GABRA1: variants seen among roughly 807,000 people sequenced by gnomAD.
GABRA1 encodes gamma-aminobutyric acid type A receptor subunit alpha1.
In GABRA1, 9 loss-of-function variants were observed where a neutral mutation model predicts 48.9. The ratio of observed to expected loss-of-function variants is 0.18; its 90% confidence interval spans 0.11 to 0.32. The LOEUF is 0.32. Among genes scored for constraint, GABRA1 ranks in the 10% least tolerant of loss-of-function variants. The pLI is 1.00. For synonymous variants in GABRA1, 210 were observed against 198.7 expected (o/e 1.06, Z -0.48); for missense variants, 285 against 553.8 (o/e 0.51, Z 4.87).
intron 1 of GABRA1, chr5:161,850,501 C>A (rs1337016248): frequency 2.1e-5 from 11 of 511,636 alleles, no homozygotes; most frequent in Non-Finnish European, 3.1e-5. Context: ...AATATAAAAC[C>A]TAGAGATAAA....
intron 7 of GABRA1, among the ~76,000 whole-genome samples, chr5:161,883,072 A>T (rs1754685783): frequency 6.6e-6 from 1 of 152,174 alleles, no homozygotes; most frequent in Non-Finnish European, 1.5e-5. Flanking sequence ...TTAAATTCTT[A>T]AAGAGTACTT....
chr5:161,848,448 CACAG>C (rs1267847674), intron 1 of GABRA1, 26 bp downstream of exon 1: 1 of 145,510 alleles, frequency 6.9e-6, no homozygotes, highest in Non-Finnish European at 1.4e-5. Flanking sequence ...GACCACGATA[CACAG>C]ACAGAGCTTT....
At chr5:161,862,023 T>C (rs1336699889) in intron 3 of GABRA1, among the ~76,000 whole-genome samples, 2 of 151,900 alleles carry the variant, frequency 1.3e-5, no homozygotes, top group African/African-American at 2.4e-5. Context: ...GCCAATACCA[T>C]ATTAAACAAA....
At chr5:161,873,775 A>G (rs1754226770) in intron 5 of GABRA1, among the ~76,000 whole-genome samples, 1 of 152,196 alleles carries the variant, frequency 6.6e-6, no homozygotes, top group South Asian at 2.1e-4. Flanking sequence ...TAGGTATTTT[A>G]AGAAGTATTT....
intron 3 of GABRA1, among the ~76,000 whole-genome samples, chr5:161,861,755 A>G (rs189331092): frequency 2.1e-3 from 323 of 152,004 alleles, no homozygotes; most frequent in Admixed American, 3.9e-3. Flanking sequence ...TGCTTTATCC[A>G]GGAGTATACA....
intron 6 of GABRA1, among the ~76,000 whole-genome samples, chr5:161,880,530 C>G (rs1258503598): frequency 6.6e-6 from 1 of 152,114 alleles, no homozygotes; most frequent in African/African-American, 2.4e-5. Context: ...AAAGGAAAAA[C>G]AAAGATAAAT....
At position 161,891,778 on chromosome 5, in the gene GABRA1, T is replaced by C. The variant is rs1581216117; in HGVS notation, c.856+728T>C. On this transcript the variant is annotated intron_variant, in intron 8 of 9. Transcript: ENST00000393943. ...GGCTGATAAAAATGAAAGATTCCAA[T>C]ACAATATCTTCTAGACACAGAAAGC... 2.6e-5 allele frequency among the ~76,000 whole-genome samples: 4 copies of C among 152,310 alleles called. No homozygotes were observed. In the South Asian group the frequency reaches 8.3e-4, roughly 32 times the overall value.
intron 4 of GABRA1, among the ~76,000 whole-genome samples, chr5:161,866,034 T>G (rs1219524852): frequency 1.3e-5 from 2 of 152,064 alleles, no homozygotes. Context: ...TAAAAAATAT[T>G]TTAAATGATT....
rs193081738 is a variant in GABRA1, at chr5:161,887,445, A to G, written c.704-3453A>G. 9.0e-3 allele frequency among the ~76,000 whole-genome samples: 1,319 copies of G among 147,004 alleles called. 7 individuals carry two copies. Among genetic ancestry groups the G allele is most frequent in the Non-Finnish European group, 0.014 (951 of 67,000 alleles). On this transcript the variant is annotated intron_variant, in intron 7 of 9. Coordinates refer to ENST00000393943, the MANE Select transcript of GABRA1 (RefSeq NM_001127644.2). ...ATAACTATAGAATGTAAGTCCTGGG[A>G]AAAAAAAAAGACTTCTGTGGTCATT...
chr5:161,867,242 T>C (rs1753908107), intron 4 of GABRA1, among the ~76,000 whole-genome samples: 2 of 152,174 alleles, frequency 1.3e-5, no homozygotes, highest in Non-Finnish European at 2.9e-5. Context: ...GAACTCAGTC[T>C]TCCCACACTA....
chr5:161,861,524 T>C (rs1360716422), intron 3 of GABRA1, among the ~76,000 whole-genome samples: 1 of 151,776 alleles, frequency 6.6e-6, no homozygotes, highest in Non-Finnish European at 1.5e-5. Context: ...GTTCTTGGAA[T>C]CCCAAAACAC....
At chr5:161,872,950 T>G (rs1004134601) in intron 4 of GABRA1, 167 bp from the exon 5 acceptor site, 4 of 640,242 alleles carry the variant, frequency 6.2e-6, no homozygotes, top group Non-Finnish European at 1.1e-5. Context: ...CAACCAGTGA[T>G]TCTCCTGACA....
chr5:161,874,971 A>G (rs528034936), intron 5 of GABRA1, among the ~76,000 whole-genome samples: 13 of 152,268 alleles, frequency 8.5e-5, no homozygotes, highest in Admixed American at 6.6e-4. Context: ...CCTAGCTTCA[A>G]TTAGATGGTG....
rs914253819 is a variant in GABRA1 at position 161,878,550 on chromosome 5, C to A, written c.559+2908C>A. On this transcript the variant is annotated intron_variant, in intron 6 of 9. Coordinates refer to ENST00000393943, the MANE Select transcript of GABRA1 (RefSeq NM_001127644.2). The stretch of plus-strand genomic sequence containing the variant: ...ATAAATGTTTATGAATATTCTGAAG[C>A]AACCTTATCCATATGGTGATAAAAT... 1.2e-4 allele frequency among the ~76,000 whole-genome samples: 18 copies of A among 152,172 alleles called. 1 individual carries two copies. The highest frequency in any genetic ancestry group is 3.9e-4 in the African/African-American group (16 of 41,452).
At chr5:161,892,614 A>C (rs1249691713) in intron 8 of GABRA1, among the ~76,000 whole-genome samples, 1 of 152,216 alleles carries the variant, frequency 6.6e-6, no homozygotes, top group African/African-American at 2.4e-5. Context: ...CTAAAGACGA[A>C]GTCTTGTTAA....
At chr5:161,878,966 A>G (rs1024692106) in intron 6 of GABRA1, among the ~76,000 whole-genome samples, 5 of 152,230 alleles carry the variant, frequency 3.3e-5, no homozygotes, top group Admixed American at 2.6e-4. Context: ...TGGCTCATAC[A>G]AATGGAAACA....
rs376723826 is a variant in GABRA1 at position 161,851,516 on chromosome 5, G to A, written c.74+632G>A. ...AAATATGTTCTAATGATCCAATCAAGCATGTGAAATTAATATAATAGAAAC... is the reference window on the plus strand; with the variant it reads ...AAATATGTTCTAATGATCCAATCAAACATGTGAAATTAATATAATAGAAAC... On this transcript the variant is annotated intron_variant, in intron 2 of 9. Coordinates refer to ENST00000393943, the MANE Select transcript of GABRA1 (RefSeq NM_001127644.2). 9.9e-4 allele frequency among the ~76,000 whole-genome samples: 151 copies of A among 152,078 alleles called. 2 individuals are homozygous for A. Among genetic ancestry groups the A allele is most frequent in the African/African-American group, 3.3e-3 (137 of 41,516 alleles).
chr5:161,860,931 T>A (rs1344291490), intron 3 of GABRA1, among the ~76,000 whole-genome samples: 2 of 151,898 alleles, frequency 1.3e-5, no homozygotes, highest in African/African-American at 4.8e-5. Context: ...CCAGATCCAA[T>A]GTGGGATTTT....
intron 3 of GABRA1, among the ~76,000 whole-genome samples, chr5:161,864,735 T>C (rs1015962215): frequency 6.6e-6 from 1 of 151,878 alleles, no homozygotes; most frequent in Non-Finnish European, 1.5e-5. Context: ...ATTTTATAAA[T>C]GTTTGTTTTC....
Sources: gnomAD v4.1 joint callset for allele counts (sites outside exome capture counted in the v4.1 genomes callset) on GRCh38, gnomAD v4.1.1 for gene constraint, MANE v1.5 for transcripts, NCBI Gene and HGNC (gene_info 2026-07-23, HGNC 2026-07-21) for gene names.